Variants in ADCY2 observed in about 807,000 individuals in gnomAD.
ADCY2 encodes adenylate cyclase type 2.
ADCY2 carries 31 observed loss-of-function variants against 125.2 expected under a neutral mutation model. The ratio of observed to expected loss-of-function variants is 0.25; its 90% CI spans 0.19 to 0.33. The LOEUF (loss-of-function observed/expected upper bound fraction) is 0.33, where lower values mean the gene tolerates loss of function less well. ADCY2 is among the 10% of genes least tolerant of loss of function. ADCY2 has a pLI of 1.00. For missense variants in ADCY2, 904 were observed against 1,418.2 expected, an observed-to-expected ratio of 0.64 and a Z score of 5.82; for synonymous variants, 512 against 548.4, an observed-to-expected ratio of 0.93 and a Z score of 0.93.
At chr5:7,619,995 A>G (rs564866664) in intron 3 of ADCY2, among the ~76,000 whole-genome samples, 21 of 152,308 alleles carry the variant, frequency 1.4e-4, no homozygotes, top group Non-Finnish European at 2.5e-4. Context: ...GGAACTTTCT[A>G]TAACGATCTG....
chr5:7,472,722 G>A (rs1314891713), intron 2 of ADCY2, among the ~76,000 whole-genome samples: 1 of 152,064 alleles, frequency 6.6e-6, no homozygotes, highest in African/African-American at 2.4e-5. Flanking sequence ...ATCTTGCTAA[G>A]AATTCTGCTT....
intron 2 of ADCY2, among the ~76,000 whole-genome samples, chr5:7,444,125 T>C (rs1741131254): frequency 6.8e-6 from 1 of 147,856 alleles, no homozygotes; most frequent in Admixed American, 6.7e-5. Flanking sequence ...TTTTTTTTTT[T>C]TTTTTTGAGA....
chr5:7,600,666 C>A (rs1215764697), intron 3 of ADCY2, among the ~76,000 whole-genome samples: 1 of 152,100 alleles, frequency 6.6e-6, no homozygotes, highest in Non-Finnish European at 1.5e-5. Flanking sequence ...GTGCTTTGAG[C>A]AGAAGAATGG....
intron 7 of ADCY2, among the ~76,000 whole-genome samples, chr5:7,699,017 GCTC>G (rs1273612114): frequency 7.2e-6 from 1 of 138,850 alleles, no homozygotes. Flanking sequence ...GCGTAAAAGC[GCTC>G]CTATTTCTCC....
At chr5:7,507,301 C>T (rs1222713487) in intron 2 of ADCY2, among the ~76,000 whole-genome samples, 1 of 143,340 alleles carries the variant, frequency 7.0e-6, no homozygotes, top group Non-Finnish European at 1.5e-5. Flanking sequence ...ATTAGCCGGG[C>T]GTAGTGGCGG....
chr5:7,678,744 A>G (rs541940641), intron 4 of ADCY2, among the ~76,000 whole-genome samples: 2 of 152,232 alleles, frequency 1.3e-5, no homozygotes, highest in African/African-American at 4.8e-5. Context: ...CAGCAGTAAT[A>G]TACCTCATCA....
intron 22 of ADCY2, among the ~76,000 whole-genome samples, chr5:7,816,182 A>C (rs1745106006): frequency 6.6e-6 from 1 of 152,248 alleles, no homozygotes; most frequent in African/African-American, 2.4e-5. Context: ...TTGGAGGGAC[A>C]CAATTTAGCC....
intron 3 of ADCY2, among the ~76,000 whole-genome samples, chr5:7,556,271 A>G (rs1219803538): frequency 1.3e-5 from 2 of 152,218 alleles, no homozygotes; most frequent in East Asian, 1.9e-4. Context: ...TGAATAGTGT[A>G]GAGAAGTCAT....
chr5:7,686,977 C>T (rs1355634414), intron 4 of ADCY2, among the ~76,000 whole-genome samples: 1 of 152,170 alleles, frequency 6.6e-6, no homozygotes, highest in Admixed American at 6.5e-5. Context: ...CCTGAGCTGT[C>T]ACCAGGTGCA....
At chr5:7,813,777 C>G in intron 22 of ADCY2, among the ~76,000 whole-genome samples, 1 of 152,210 alleles carries the variant, frequency 6.6e-6, no homozygotes, top group East Asian at 1.9e-4. Context: ...TTTAAACCAA[C>G]TGTGTGAAAA....
At chr5:7,585,304 G>A (rs1395460907) in intron 3 of ADCY2, among the ~76,000 whole-genome samples, 1 of 152,070 alleles carries the variant, frequency 6.6e-6, no homozygotes, top group Non-Finnish European at 1.5e-5. Context: ...CCTCTATGTT[G>A]TTTTGTGTAT....
chr5:7,702,474 T>C (rs545164505), intron 7 of ADCY2, among the ~76,000 whole-genome samples: 2 of 151,344 alleles, frequency 1.3e-5, no homozygotes, highest in South Asian at 2.1e-4. Flanking sequence ...TGAGAACATG[T>C]GGTGTTAGGT....
At chr5:7,505,529 G>A (rs1333036436) in intron 2 of ADCY2, among the ~76,000 whole-genome samples, 1 of 152,202 alleles carries the variant, frequency 6.6e-6, no homozygotes, top group Non-Finnish European at 1.5e-5. Context: ...GGTTGGAGCC[G>A]AGGACTGTGC....
At chr5:7,780,023 G>A (rs1426219793) in intron 18 of ADCY2, among the ~76,000 whole-genome samples, 4 of 152,176 alleles carry the variant, frequency 2.6e-5, no homozygotes, top group African/African-American at 9.7e-5. Context: ...AGTGGCTCAA[G>A]TTTGGGAGAA....
rs940954820 is a variant in ADCY2, at chr5:7,828,709, G to A, written c.*1838G>A. 2.0e-5 allele frequency: 3 copies of A among 152,238 alleles called. No individual in the cohort carries two copies. The highest frequency in any genetic ancestry group is 7.3e-5 in the African/African-American group (3 of 41,376). The allele number at this position is 152,238 out of a possible 1,614,324, so 9.4% of individuals were successfully genotyped here. A position where few individuals can be genotyped will look rare whatever the true frequency, so the allele number is the denominator to read the frequency against. On this transcript the variant is annotated 3_prime_UTR_variant, in exon 25 of 25. Coordinates refer to ENST00000338316, the MANE Select transcript of ADCY2 (RefSeq NM_020546.3). The stretch of plus-strand genomic sequence containing the variant: ...ATTAAAGCAAGAGAATTATTACAAG[G>A]GCTTTTCTCTTTCCTCTAACTCATT...
At chr5:7,754,726 C>T (rs1018228568) in intron 15 of ADCY2, among the ~76,000 whole-genome samples, 4 of 4,564 alleles carry the variant, frequency 8.8e-4, no homozygotes, top group Non-Finnish European at 1.9e-3. Context: ...ACAAAACAAA[C>T]AAACAAAAAA....
chr5:7,672,926 T>A (rs1739981505), intron 4 of ADCY2, among the ~76,000 whole-genome samples: 2 of 151,916 alleles, frequency 1.3e-5, no homozygotes, highest in Admixed American at 1.3e-4. Flanking sequence ...GAATGGAGGC[T>A]CCATGTCCTG....
At chr5:7,444,207 G>A (rs113144026) in intron 2 of ADCY2, among the ~76,000 whole-genome samples, 8,749 of 149,388 alleles carry the variant, frequency 0.059, 899 homozygotes, top group African/African-American at 0.2. Context: ...TCCGCCTCCC[G>A]GGTTCACGCC....
At chr5:7,748,889 G>A (rs1041886634) in intron 15 of ADCY2, among the ~76,000 whole-genome samples, 16 of 152,192 alleles carry the variant, frequency 1.1e-4, no homozygotes, top group Admixed American at 1.0e-3. Context: ...GGGGCTCACA[G>A]ATGCTACATA....
Sources: gnomAD v4.1 joint callset for allele counts (sites outside exome capture counted in the v4.1 genomes callset) on GRCh38, gnomAD v4.1.1 for gene constraint, MANE v1.5 for transcripts, NCBI Gene and HGNC (gene_info 2026-07-23, HGNC 2026-07-21) for gene names.